The following PLXNA2 variants were observed in gnomAD, a reference collection of about 807,000 sequenced individuals.
PLXNA2 encodes plexin A2.
PLXNA2 carries 91 observed loss-of-function variants against 193.5 expected under a neutral mutation model. The observed-to-expected ratio is 0.47, with a 90% CI of 0.40 to 0.56. The LOEUF is 0.56. Among genes scored for constraint, PLXNA2 ranks in the 20% least tolerant of loss-of-function variants. The probability of loss-of-function intolerance (pLI) is 0.00; values close to 1 mark genes in which losing one functional copy is unlikely to be tolerated. For synonymous variants in PLXNA2, 997 were observed against 1,027.3 expected (o/e 0.97, Z 0.56); for missense variants, 1,995 against 2,503.2 (o/e 0.80, Z 4.33).
chr1:208,047,212 C>T (rs55688685), intron 17 of PLXNA2, among the ~76,000 whole-genome samples: 32,379 of 150,206 alleles, frequency 0.22, 3,761 homozygotes, highest in East Asian at 0.4. Flanking sequence ...CCGCCCGCTT[C>T]GGCCTCCCAA....
At chr1:208,187,495 C>T (rs968624723) in intron 3 of PLXNA2, among the ~76,000 whole-genome samples, 1 of 152,204 alleles carries the variant, frequency 6.6e-6, no homozygotes, top group African/African-American at 2.4e-5. Flanking sequence ...ACCACCTGAA[C>T]AACTCGAGCT....
At chr1:208,226,347 G>GC (rs1553300702) in intron 1 of PLXNA2, among the ~76,000 whole-genome samples, 1 of 149,086 alleles carries the variant, frequency 6.7e-6, no homozygotes, top group African/African-American at 2.5e-5. Context: ...GATTTCTGTT[G>GC]TTTTTTTTTT....
At chr1:208,071,538 G>T (rs1665978332) in intron 12 of PLXNA2, among the ~76,000 whole-genome samples, 1 of 152,198 alleles carries the variant, frequency 6.6e-6, no homozygotes, top group African/African-American at 2.4e-5. Flanking sequence ...GTGTGTGTGT[G>T]CCTGTGTCTG....
At chr1:208,137,033 TAGTA>T (rs1294050805) in intron 4 of PLXNA2, among the ~76,000 whole-genome samples, 1 of 152,164 alleles carries the variant, frequency 6.6e-6, no homozygotes, top group African/African-American at 2.4e-5. Flanking sequence ...ACCATATACT[TAGTA>T]AGTGTCTATG....
At chr1:208,191,526 AT>A (rs1670181265) in intron 3 of PLXNA2, among the ~76,000 whole-genome samples, 1 of 152,220 alleles carries the variant, frequency 6.6e-6, no homozygotes, top group Non-Finnish European at 1.5e-5. Context: ...TACACACTCT[AT>A]TTTGGACACT....
intron 11 of PLXNA2, among the ~76,000 whole-genome samples, chr1:208,079,812 A>G (rs2102382585): frequency 6.6e-6 from 1 of 152,232 alleles, no homozygotes; most frequent in African/African-American, 2.4e-5. Context: ...AGGTTGGAAT[A>G]AGATAATGTA....
At chr1:208,079,792 T>A (rs1666276915) in intron 11 of PLXNA2, among the ~76,000 whole-genome samples, 1 of 113,650 alleles carries the variant, frequency 8.8e-6, no homozygotes. Context: ...AATCGTTGTT[T>A]TTTTTTGTGA....
intron 3 of PLXNA2, among the ~76,000 whole-genome samples, chr1:208,194,165 T>C (rs1609842): frequency 0.97 from 147,482 of 151,826 alleles, 71,775 homozygotes; most frequent in Middle Eastern, 1. Flanking sequence ...TCCCCTGGTA[T>C]GTTGTGCTCA....
intron 3 of PLXNA2, among the ~76,000 whole-genome samples, chr1:208,169,903 T>A (rs1445081350): frequency 6.6e-6 from 1 of 152,186 alleles, no homozygotes; most frequent in Non-Finnish European, 1.5e-5. Flanking sequence ...AGAAAAAGTT[T>A]CAAAGTCCAA....
Position 208,098,919 on chromosome 1 carries a change from G to A in PLXNA2, c.1658C>T (p.Ala553Val), listed in dbSNP as rs1174898584. 1 of 1,613,704 alleles carries A rather than the reference G, an allele frequency of 6.2e-7. No homozygotes were observed. Among genetic ancestry groups the A allele is most frequent in the Admixed American group, 1.7e-5 (1 of 59,994 alleles). The part of the protein sequence containing the change: ...CQQAWEPNRF[A>V]ASISQCVSLA... ...GCTCACACACTGGCTGATGCTGGCA[G>A]CAAATCGATTAGGTTCCCAGGCCTG... Residue 553 changes from alanine (A) to valine (V), a missense_variant, in exon 6 of 32, where the codon GCT (alanine) becomes GTT (valine). Physicochemically the swap from Ala to Val is moderately conservative, Grantham distance 64 (BLOSUM62 0). Around this residue, in one of 3 missense-constraint regions of PLXNA2, gnomAD observed 702 missense variants for 812.9 expected, o/e 0.86. Coordinates refer to ENST00000367033, the MANE Select transcript of PLXNA2 (RefSeq NM_025179.4).
intron 9 of PLXNA2, among the ~76,000 whole-genome samples, chr1:208,092,257 G>C (rs1395927333): frequency 6.6e-6 from 1 of 152,224 alleles, no homozygotes. Flanking sequence ...AGGACTTTTA[G>C]CAATGCCTGG....
At chr1:208,066,624 AT>A (rs1665803900) in intron 12 of PLXNA2, among the ~76,000 whole-genome samples, 1 of 151,976 alleles carries the variant, frequency 6.6e-6, no homozygotes, top group Non-Finnish European at 1.5e-5. Context: ...TACTCACTAT[AT>A]TTTTTATTGT....
chr1:208,033,522 G>A lies in PLXNA2; in HGVS notation c.4865-13C>T. 6.3e-7 allele frequency: 1 copy of A among 1,588,398 alleles called. No individual in the cohort carries two copies. The highest frequency in any genetic ancestry group is 8.6e-7 in the Non-Finnish European group (1 of 1,162,690). On this transcript the variant is annotated splice_polypyrimidine_tract_variant and intron_variant, in intron 27 of 31. Transcript: ENST00000367033. Reference sequence around the variant, plus strand: ...CTGAAGGAGGAGTCTGAGGAGAAGGGGTTGGTGGAGGGCTGTGAGTAACAG... The same window carrying A: ...CTGAAGGAGGAGTCTGAGGAGAAGGAGTTGGTGGAGGGCTGTGAGTAACAG...
chr1:208,140,647 G>A (rs917323738), intron 4 of PLXNA2, among the ~76,000 whole-genome samples: 6 of 152,162 alleles, frequency 3.9e-5, no homozygotes, highest in African/African-American at 7.2e-5. Context: ...TGTTAACATG[G>A]TGTTATATTT....
At chr1:208,030,132 C>A in intron 29 of PLXNA2, 1 of 985,612 alleles carries the variant, frequency 1.0e-6, no homozygotes, top group Non-Finnish European at 1.2e-6. Context: ...CAAAACACAA[C>A]AGGATCCCTC....
intron 1 of PLXNA2, among the ~76,000 whole-genome samples, chr1:208,223,333 C>T (rs1463756193): frequency 6.6e-6 from 1 of 152,034 alleles, no homozygotes; most frequent in African/African-American, 2.4e-5. Flanking sequence ...CAGTCAGAAC[C>T]CAGACCTCAT....
At chr1:208,205,369 C>T (rs965396245) in intron 3 of PLXNA2, among the ~76,000 whole-genome samples, 6 of 152,178 alleles carry the variant, frequency 3.9e-5, no homozygotes, top group African/African-American at 1.2e-4. Flanking sequence ...CCCAGGATAA[C>T]CTGCTTTTCC....
intron 3 of PLXNA2, among the ~76,000 whole-genome samples, chr1:208,154,361 C>G (rs932165754): frequency 2.0e-5 from 3 of 152,182 alleles, no homozygotes; most frequent in Non-Finnish European, 2.9e-5. Context: ...ATCCAGTGGG[C>G]TCAACGGTAG....
intron 8 of PLXNA2, among the ~76,000 whole-genome samples, chr1:208,093,645 T>C (rs993201683): frequency 3.3e-5 from 5 of 152,236 alleles, no homozygotes; most frequent in African/African-American, 1.2e-4. Context: ...ATCTGTATTA[T>C]TGGGCTTGGG....
Sources: allele counts gnomAD v4.1 joint callset (sites outside exome capture counted in the v4.1 genomes callset), GRCh38; gene constraint gnomAD v4.1.1; regional missense constraint gnomAD v4.1.1; transcripts MANE v1.5; gene names NCBI Gene and HGNC (gene_info 2026-07-23, HGNC 2026-07-21).